CARS1: variants seen among roughly 807,000 people sequenced by gnomAD.
The protein encoded by CARS1 is cysteinyl-tRNA synthetase 1.
In CARS1, 48 loss-of-function variants were observed where a neutral mutation model predicts 106.2. That is an observed-to-expected ratio of 0.45 (90% CI 0.36 to 0.57). The LOEUF (loss-of-function observed/expected upper bound fraction) is 0.57, where lower values mean the gene tolerates loss of function less well. CARS1 is among the 20% of genes least tolerant of loss of function. The pLI is 0.00. For missense variants in CARS1, 968 were observed against 1,057.2 expected (o/e 0.92, Z 1.17); for synonymous variants, 409 against 403.4 (o/e 1.01, Z -0.17).
In CARS1 at chr11:3,017,381, G is replaced by A. The variant is rs918541388; in HGVS notation, c.1728-86C>T. ...CATGTGGCCAGGCGCAGTGGCTCAC[G>A]CCTATAATCCCAGCACTTTGGGAGG... On this transcript the variant is annotated intron_variant, in intron 15 of 22. Transcript: ENST00000380525. The surrounding 1 kb of genome is among the most constrained non-coding windows in gnomAD (Gnocchi z 4.9). 1.4e-5 allele frequency: 17 copies of A among 1,226,516 alleles called. No individual in the cohort carries two copies. The highest frequency in any genetic ancestry group is 1.2e-4 in the East Asian group (5 of 42,620). The allele number at this position is 1,226,516 out of a possible 1,614,324, so 76.0% of individuals were successfully genotyped here.
rs1851411040 is a variant in CARS1, at chr11:3,019,876, G to A, written c.1266+344C>T. 6.6e-6 allele frequency among the ~76,000 whole-genome samples: 1 copy of A among 152,116 alleles called. No individual in the cohort carries two copies. The highest frequency in any genetic ancestry group is 2.1e-4 in the South Asian group (1 of 4,832). On this transcript the variant is annotated intron_variant, in intron 11 of 22. Transcript: ENST00000380525. The surrounding 1 kb of genome is among the most constrained non-coding windows in gnomAD (Gnocchi z 6.2). ...GGGTACCCTGCAGTCAACAACTCCTGTCACCGGGAAGATCAGAACGCATCC... is the reference window on the plus strand; with the variant it reads ...GGGTACCCTGCAGTCAACAACTCCTATCACCGGGAAGATCAGAACGCATCC...
chr11:3,018,765 C>G lies in CARS1; in HGVS notation c.1396-16G>C, dbSNP rs909198241. 1.7e-5 allele frequency: 27 copies of G among 1,610,414 alleles called. No individual in the cohort carries two copies. Among genetic ancestry groups the G allele is most frequent in the Non-Finnish European group, 2.1e-5 (25 of 1,177,980 alleles). On this transcript the variant is annotated splice_polypyrimidine_tract_variant and intron_variant, in intron 12 of 22. Transcript: ENST00000380525. The stretch of plus-strand genomic sequence containing the variant: ...CAAAGTAGGCCTGCGTGGAAAGAGA[C>G]AAAGGATGTCAACAGTCATGTGTTA...
rs1468374454 is a variant in CARS1, at chr11:3,053,179, C to A, written c.25+4164G>T. On this transcript the variant is annotated intron_variant, in intron 1 of 22. Coordinates refer to ENST00000380525, the MANE Select transcript of CARS1 (RefSeq NM_001014437.3). This position sits in a 1 kb window ranked among gnomAD's most constrained non-coding sequence, Gnocchi z 6.6. Reference sequence around the variant, plus strand: ...AACTGTGGCAGTGCGACCTCTCCCTCTCTCTGGCTCTTTCCTATCAGCATT... The same window carrying A: ...AACTGTGGCAGTGCGACCTCTCCCTATCTCTGGCTCTTTCCTATCAGCATT... Among the ~76,000 whole-genome samples the A allele has an allele frequency of 6.6e-6, 1 of 152,246 alleles. No homozygotes were observed. Among genetic ancestry groups the A allele is most frequent in the Admixed American group, 6.5e-5 (1 of 15,288 alleles).
rs778513958 is a variant in CARS1, at chr11:3,026,663, A to G, written c.1153+13T>C. The G allele has an allele frequency of 6.2e-7, 1 of 1,612,990 alleles. No individual in the cohort carries two copies. Among genetic ancestry groups the G allele is most frequent in the South Asian group, 1.1e-5 (1 of 90,924 alleles). The stretch of plus-strand genomic sequence containing the variant: ...AGGGAGAGCCCACATGCTCTCAGGC[A>G]TGCCCTCCTCACCTTCCCCTTCTTG... On this transcript the variant is annotated intron_variant, in intron 10 of 22. Coordinates refer to ENST00000380525, the MANE Select transcript of CARS1 (RefSeq NM_001014437.3).
intron 20 of CARS1, among the ~76,000 whole-genome samples, chr11:3,005,148 CA>C (rs1215497771): frequency 3.3e-5 from 5 of 149,900 alleles, no homozygotes; most frequent in Admixed American, 6.7e-5. Context: ...CACAGTTTGC[CA>C]AAAGTGACTG....
chr11:3,028,924 C>A lies in CARS1; in HGVS notation c.1031+72G>T. On this transcript the variant is annotated intron_variant, in intron 9 of 22. Transcript: ENST00000380525. This position sits in a 1 kb window ranked among gnomAD's most constrained non-coding sequence, Gnocchi z 4.4. ...CTCCTCTGCTTCCCAAACTCAGGCT[C>A]AGAGCTGGGGAGCTCCTCCCTGTGC... 9.5e-7 allele frequency: 1 copy of A among 1,051,756 alleles called. No homozygotes were observed. The highest frequency in any genetic ancestry group is 1.5e-6 in the Non-Finnish European group (1 of 677,204). 65.2% of individuals were successfully genotyped at this position (1,051,756 alleles called of 1,614,324 possible). A position where few individuals can be genotyped will look rare whatever the true frequency, so the allele number is the denominator to read the frequency against.
rs756438401 is a variant in CARS1 at position 3,041,638 on chromosome 11, C to T, written c.366+527G>A. ...TCCCTGATGGAAATCCAAGCAGCCCCGCCCAGAGCCTGGTCTGAAATCACT... is the reference window on the plus strand; with the variant it reads ...TCCCTGATGGAAATCCAAGCAGCCCTGCCCAGAGCCTGGTCTGAAATCACT... On this transcript the variant is annotated intron_variant, in intron 3 of 22. Coordinates refer to ENST00000380525, the MANE Select transcript of CARS1 (RefSeq NM_001014437.3). The surrounding 1 kb of genome is among the most constrained non-coding windows in gnomAD (Gnocchi z 4.9). Among the ~76,000 whole-genome samples the T allele has an allele frequency of 2.0e-5, 3 of 152,074 alleles. No individual in the cohort carries two copies. The highest frequency in any genetic ancestry group is 2.9e-5 in the Non-Finnish European group (2 of 68,022).
At chr11:3,005,977 T>C (rs1849823146) in intron 19 of CARS1, among the ~76,000 whole-genome samples, 1 of 152,096 alleles carries the variant, frequency 6.6e-6, no homozygotes, top group South Asian at 2.1e-4. Flanking sequence ...GGACATGACA[T>C]CTGAGATTTA....
rs1190261954 is a variant in CARS1, at chr11:3,039,905, C to T, written c.482G>A (p.Arg161Lys). Reference sequence around the variant, plus strand: ...TTTGAAGTAATCCTTCAACACTCTTCTCAAGATATCAAAAGAGATGTAGGA... The same window carrying T: ...TTTGAAGTAATCCTTCAACACTCTTTTCAAGATATCAAAAGAGATGTAGGA... The part of the protein sequence containing the change: ...ARSYISFDIL[R>K]RVLKDYFKFD... The change falls in exon 5 of 23, where the codon AGA becomes AAA. Residue 161 changes from arginine (R) to lysine (K), a missense_variant. By Grantham distance (26) the Arg-to-Lys change is conservative (BLOSUM62 2). Transcript: ENST00000380525. The surrounding 1 kb of genome is among the most constrained non-coding windows in gnomAD (Gnocchi z 5.6). The T allele has an allele frequency of 6.3e-7, 1 of 1,586,506 alleles. No homozygotes were observed. Among genetic ancestry groups the T allele is most frequent in the Non-Finnish European group, 8.6e-7 (1 of 1,164,618 alleles).
Position 3,029,187 on chromosome 11 carries a change from A to C in CARS1, c.943-103T>G. The C allele has an allele frequency of 6.9e-7, 1 of 1,442,020 alleles. No individual in the cohort carries two copies. Among genetic ancestry groups the C allele is most frequent in the East Asian group, 2.3e-5 (1 of 43,928 alleles). The allele number at this position is 1,442,020 out of a possible 1,614,324, so 89.3% of individuals were successfully genotyped here. On this transcript the variant is annotated intron_variant, in intron 8 of 22. Transcript: ENST00000380525. The surrounding 1 kb of genome is among the most constrained non-coding windows in gnomAD (Gnocchi z 5.9). Reference sequence around the variant, plus strand: ...AAACGAAAAGCCCATTATGCCCCTCAACTCAAGTTCAATGTTGACTTGGCC... The same window carrying C: ...AAACGAAAAGCCCATTATGCCCCTCCACTCAAGTTCAATGTTGACTTGGCC...
rs413686 is a variant in CARS1, at chr11:3,048,108, C to G, written c.26-107G>C. On this transcript the variant is annotated intron_variant, in intron 1 of 22. Transcript: ENST00000380525. The surrounding 1 kb of genome is among the most constrained non-coding windows in gnomAD (Gnocchi z 5.1). ...GCACAGAACCAAGGAAAAAGGTGTTCAAGCCCTTCCCTGGACGCCAAACAT... is the reference window on the plus strand; with the variant it reads ...GCACAGAACCAAGGAAAAAGGTGTTGAAGCCCTTCCCTGGACGCCAAACAT... 2,355 of 1,381,824 alleles carry G rather than the reference C, an allele frequency of 1.7e-3. 34 individuals carry two copies. The African/African-American group carries it at 0.031, about 18-fold the overall frequency. The allele number at this position is 1,381,824 out of a possible 1,614,324, so 85.6% of individuals were successfully genotyped here. A position where few individuals can be genotyped will look rare whatever the true frequency, so the allele number is the denominator to read the frequency against.
rs199668252 is a variant in CARS1 at position 3,017,116 on chromosome 11, T to C, written c.1907A>G (p.His636Arg). ...LLENIALYLT[H>R]MLKIFGAVEE... is the part of the protein sequence containing the mutation. ...TGGGGCCTGGCTTACCTTCAGCATA[T>C]GGGTGAGGTACAGGGCGATGTTCTC... The change falls in exon 16 of 23, where the codon CAT becomes CGT. Residue 636 changes from histidine to arginine, a missense_variant. Physicochemically the swap from His to Arg is conservative, Grantham distance 29. Transcript: ENST00000380525. This position sits in a 1 kb window ranked among gnomAD's most constrained non-coding sequence, Gnocchi z 4.9. 2.5e-6 allele frequency: 4 copies of C among 1,612,772 alleles called. No homozygotes were observed. The highest frequency in any genetic ancestry group is 2.2e-5 in the East Asian group (1 of 44,826).
chr11:3,014,409 C>T (rs989582116), intron 17 of CARS1, among the ~76,000 whole-genome samples: 3 of 152,214 alleles, frequency 2.0e-5, no homozygotes, highest in African/African-American at 4.8e-5. Flanking sequence ...GCTCACCATT[C>T]GCCGCAGCTG....
intron 1 of CARS1, among the ~76,000 whole-genome samples, chr11:3,051,199 G>A (rs1855651849): frequency 6.6e-6 from 1 of 152,228 alleles, no homozygotes; most frequent in Non-Finnish European, 1.5e-5. Flanking sequence ...GCTGCCCAAA[G>A]ATACCAGAGA....
In CARS1 at chr11:3,028,936, G is replaced by T; in HGVS notation, c.1031+60C>A. 1 of 1,156,460 alleles carries T rather than the reference G, an allele frequency of 8.6e-7. No homozygotes were observed. Among genetic ancestry groups the T allele is most frequent in the Non-Finnish European group, 1.3e-6 (1 of 765,720 alleles). 71.6% of individuals were successfully genotyped at this position (1,156,460 alleles called of 1,614,324 possible). ...CCAAACTCAGGCTCAGAGCTGGGGA[G>T]CTCCTCCCTGTGCGATGTTCTGCAG... On this transcript the variant is annotated intron_variant, in intron 9 of 22. Coordinates refer to ENST00000380525, the MANE Select transcript of CARS1 (RefSeq NM_001014437.3). This position sits in a 1 kb window ranked among gnomAD's most constrained non-coding sequence, Gnocchi z 4.4.
In CARS1 at chr11:3,002,047, T is replaced by C; in HGVS notation, c.2284A>G (p.Lys762Glu). 6.2e-7 allele frequency: 1 copy of C among 1,612,308 alleles called. No individual in the cohort carries two copies. Among genetic ancestry groups the C allele is most frequent in the South Asian group, 1.1e-5 (1 of 91,048 alleles). Residue 762 changes from lysine (K) to glutamate (E), a missense_variant, in exon 22 of 23, where the codon AAG (lysine) becomes GAG (glutamate). By Grantham distance (56) the Lys-to-Glu change is moderately conservative. Coordinates refer to ENST00000380525, the MANE Select transcript of CARS1 (RefSeq NM_001014437.3). ...ARRKQEQEAA[K>E]LAKMKIPPSE... ...GGGGGAATCTTCATCTTGGCCAGCT[T>C]TGCTGCCTAGAACACGCAACACGGC...
Position 3,017,660 on chromosome 11 carries a change from A to G in CARS1, c.1727+197T>C, listed in dbSNP as rs1436306723. ...CTCCGTCTCAAAAAGAAAAAACAAA[A>G]AAGAAATTCTCCATGCACTTCAACA... is the stretch of plus-strand genomic sequence containing the variant. On this transcript the variant is annotated intron_variant, in intron 15 of 22. Transcript: ENST00000380525. The surrounding 1 kb of genome is among the most constrained non-coding windows in gnomAD (Gnocchi z 4.9). The G allele has an allele frequency of 5.2e-6, 3 of 573,502 alleles. No homozygotes were observed. Among genetic ancestry groups the G allele is most frequent in the Admixed American group, 6.7e-5 (2 of 30,000 alleles). 35.5% of individuals were successfully genotyped at this position (573,502 alleles called of 1,614,324 possible).
rs1854784751 is a variant in CARS1 at position 3,043,784 on chromosome 11, A to C, written c.275-1528T>G. On this transcript the variant is annotated intron_variant, in intron 2 of 22. Transcript: ENST00000380525. This position sits in a 1 kb window ranked among gnomAD's most constrained non-coding sequence, Gnocchi z 4.0. Reference sequence around the variant, plus strand: ...GGCAGACGCTGATGACTAACAGGCCAAGGGGAGGAAGGAGGGCGGCTGCAC... The same window carrying C: ...GGCAGACGCTGATGACTAACAGGCCCAGGGGAGGAAGGAGGGCGGCTGCAC... Among the ~76,000 whole-genome samples the C allele has an allele frequency of 6.6e-6, 1 of 152,068 alleles. No homozygotes were observed. Among genetic ancestry groups the C allele is most frequent in the Admixed American group, 6.6e-5 (1 of 15,260 alleles).
In CARS1 at chr11:3,038,078, G is replaced by C. The variant is rs142400500; in HGVS notation, c.773C>G (p.Thr258Arg). The C allele has an allele frequency of 4.7e-5, 76 of 1,613,674 alleles. No individual in the cohort carries two copies. The African/African-American group carries it at 9.2e-4, about 20-fold the overall frequency. Residue 258 changes from threonine (T) to arginine (R), a missense_variant, in exon 7 of 23, where the codon ACG (threonine) becomes AGG (arginine). Coordinates refer to ENST00000380525, the MANE Select transcript of CARS1 (RefSeq NM_001014437.3). The surrounding 1 kb of genome is among the most constrained non-coding windows in gnomAD (Gnocchi z 4.0). ...PLEKAVQSRL[T>R]GEEVNSCVEV... ...CACACAGCTGTTGACTTCCTCTCCC[G>C]TGAGTCTGGACTGCACAGCTTTCTC...
Sources: allele counts gnomAD v4.1 joint callset (sites outside exome capture counted in the v4.1 genomes callset), GRCh38; gene constraint gnomAD v4.1.1; non-coding constraint Gnocchi (gnomAD v3.1); transcripts MANE v1.5; gene names NCBI Gene and HGNC (gene_info 2026-07-23, HGNC 2026-07-21).